Variants in DPP6 observed in about 807,000 individuals in gnomAD.
DPP6 encodes the protein A-type potassium channel modulatory protein DPP6.
DPP6 carries 69 observed loss-of-function variants against 122.6 expected under a neutral mutation model. That is an observed-to-expected ratio of 0.56 (90% CI 0.46 to 0.69). DPP6 has a LOEUF of 0.69. Ranked by LOEUF, DPP6 falls within the 30% of genes least tolerant of loss-of-function variation. The pLI, the probability that DPP6 is intolerant of heterozygous loss-of-function variation, is 0.00. For missense variants in DPP6, 928 were observed against 1,116.9 expected, an observed-to-expected ratio of 0.83 and a Z score of 2.41; for synonymous variants, 418 against 433.1, an observed-to-expected ratio of 0.97 and a Z score of 0.43.
Position 154,893,022 on chromosome 7 carries a change from G to T in DPP6, c.*542G>T, listed in dbSNP as rs373685510. 8 of 493,658 alleles carry T rather than the reference G, an allele frequency of 1.6e-5. No individual in the cohort carries two copies. Among genetic ancestry groups the T allele is most frequent in the Admixed American group, 6.0e-5 (3 of 50,106 alleles). The allele number at this position is 493,658 out of a possible 1,614,324, so 30.6% of individuals were successfully genotyped here. ...ACATGGTGAGGGGCTACAAGAAAAC[G>T]CTTTTCTGTACAGAGTCTTACTGTA... is the stretch of plus-strand genomic sequence containing the variant. On this transcript the variant is annotated 3_prime_UTR_variant, in exon 26 of 26. Transcript: ENST00000377770.
At chr7:154,321,118 CA>C (rs1354356910) in intron 1 of DPP6, among the ~76,000 whole-genome samples, 1 of 151,832 alleles carries the variant, frequency 6.6e-6, no homozygotes, top group African/African-American at 2.4e-5. Context: ...TCCATCTCTA[CA>C]AAAAAATACC....
At chr7:154,189,742 CTCTT>C (rs910816503) in intron 1 of DPP6, among the ~76,000 whole-genome samples, 1 of 152,202 alleles carries the variant, frequency 6.6e-6, no homozygotes, top group African/African-American at 2.4e-5. Context: ...ATTTGAATCT[CTCTT>C]TGTGGTCTGG....
intron 6 of DPP6, among the ~76,000 whole-genome samples, chr7:154,651,444 C>T (rs988934311): frequency 9.9e-5 from 15 of 152,100 alleles, no homozygotes; most frequent in African/African-American, 3.4e-4. Flanking sequence ...CTCCCCAGTT[C>T]GTCTGCACCC....
intron 16 of DPP6, among the ~76,000 whole-genome samples, chr7:154,832,975 A>G (rs1285583237): frequency 6.6e-6 from 1 of 152,252 alleles, no homozygotes; most frequent in Non-Finnish European, 1.5e-5. Context: ...TTGGGACCCA[A>G]TATTTGGCAG....
intron 1 of DPP6, among the ~76,000 whole-genome samples, chr7:154,082,004 C>T (rs1804049342): frequency 6.6e-6 from 1 of 152,136 alleles, no homozygotes; most frequent in Admixed American, 6.5e-5. Context: ...CCTTTCTCTT[C>T]AAAACATCAG....
At chr7:154,804,025 A>G (rs993434569) in intron 14 of DPP6, 70 bp downstream of exon 14, 20 of 1,558,630 alleles carry the variant, frequency 1.3e-5, no homozygotes, top group Non-Finnish European at 1.7e-5. Flanking sequence ...TTTGTCAATT[A>G]CACTTATGGA....
intron 1 of DPP6, among the ~76,000 whole-genome samples, chr7:153,910,234 C>CTTTTTTCTTTTTTTTTTTTTTTTTTTT (rs750065238): frequency 2.4e-4 from 33 of 137,728 alleles, no homozygotes; most frequent in East Asian, 4.2e-4. Flanking sequence ...TTCTTTCTTT[C>CTTTTTTCTTTTTTTTTTTTTTTTTTTT]TTTTTTTTTT....
At chr7:153,886,781 C>T (rs1268633569), upstream of DPP6, among the ~76,000 whole-genome samples, 2 of 152,210 alleles carry the variant, frequency 1.3e-5, no homozygotes, top group Non-Finnish European at 2.9e-5. Context: ...TAGCCTTCCC[C>T]CGCTTCCCCT....
chr7:154,006,498 A>C (rs1367798056), intron 1 of DPP6, among the ~76,000 whole-genome samples: 3 of 152,178 alleles, frequency 2.0e-5, no homozygotes, highest in Admixed American at 2.0e-4. Context: ...GAAATCACAA[A>C]AAGGGCTCAA....
chr7:154,252,507 C>A (rs1410279139), intron 1 of DPP6, among the ~76,000 whole-genome samples: 1 of 152,116 alleles, frequency 6.6e-6, no homozygotes, highest in Admixed American at 6.5e-5. Flanking sequence ...TATTTCTCAC[C>A]CCTGGGCAGA....
At chr7:154,639,622 C>A (rs1835937625) in intron 6 of DPP6, among the ~76,000 whole-genome samples, 1 of 152,198 alleles carries the variant, frequency 6.6e-6, no homozygotes, top group Admixed American at 6.5e-5. Context: ...GAACTTGGCA[C>A]AGGAGTTTGC....
chr7:154,736,812 T>G (rs1842590149), intron 8 of DPP6, among the ~76,000 whole-genome samples: 1 of 152,272 alleles, frequency 6.6e-6, no homozygotes, highest in African/African-American at 2.4e-5. Context: ...TTGAATGAGT[T>G]AATTCACAGA....
chr7:154,006,302 A>G (rs929674505), intron 1 of DPP6, among the ~76,000 whole-genome samples: 3 of 151,708 alleles, frequency 2.0e-5, no homozygotes, highest in African/African-American at 7.3e-5. Context: ...GGTTTTTATT[A>G]TGTCTAGGGA....
chr7:154,504,229 G>A (rs6955044), intron 3 of DPP6, among the ~76,000 whole-genome samples: 76,273 of 151,962 alleles, frequency 0.5, 19,362 homozygotes, highest in Middle Eastern at 0.6. Context: ...AATTGATGGC[G>A]AGGCTGGCAT....
intron 1 of DPP6, chr7:154,058,482 G>C (rs1159684030): frequency 7.1e-6 from 1 of 141,178 alleles, no homozygotes; most frequent in Non-Finnish European, 1.6e-5. Flanking sequence ...TCGTAGGGGG[G>C]GGGAGGCACC....
chr7:154,043,258 T>C (rs1251705192), intron 1 of DPP6, among the ~76,000 whole-genome samples: 1 of 151,784 alleles, frequency 6.6e-6, no homozygotes, highest in Non-Finnish European at 1.5e-5. Flanking sequence ...CCAGCTCTGG[T>C]GGCGCATGCC....
intron 10 of DPP6, among the ~76,000 whole-genome samples, chr7:154,776,199 T>TGATAGATAGATAGATAGATAGATAGATA (rs5888595): frequency 2.6e-4 from 38 of 148,558 alleles, no homozygotes; most frequent in African/African-American, 4.0e-4. Flanking sequence ...CCATGATAGA[T>TGATAGATAGATAGATAGATAGATAGATA]GATAGATAGA....
chr7:154,269,033 T>G (rs571290660), intron 1 of DPP6, among the ~76,000 whole-genome samples: 13 of 144,420 alleles, frequency 9.0e-5, no homozygotes, highest in African/African-American at 3.0e-4. Context: ...GGACTCTGAG[T>G]AAGTCTCCTA....
chr7:154,394,173 C>T (rs891928652), intron 1 of DPP6, among the ~76,000 whole-genome samples: 3 of 152,136 alleles, frequency 2.0e-5, no homozygotes, highest in African/African-American at 7.2e-5. Flanking sequence ...ATACTGTTTG[C>T]CACAGCATCT....
Sources: gnomAD v4.1 joint callset for allele counts (sites outside exome capture counted in the v4.1 genomes callset) on GRCh38, gnomAD v4.1.1 for gene constraint, MANE v1.5 for transcripts, NCBI Gene and HGNC (gene_info 2026-07-23, HGNC 2026-07-21) for gene names.